Variants in AGBL3 observed in about 807,000 individuals in gnomAD.
AGBL3 encodes cytosolic carboxypeptidase 3.
Under a neutral mutation model 94.5 loss-of-function variants are expected in AGBL3, and 68 were observed. That is an observed-to-expected ratio of 0.72 (90% CI 0.59 to 0.88). The LOEUF (loss-of-function observed/expected upper bound fraction) is 0.88, where lower values mean the gene tolerates loss of function less well. Among genes scored for constraint, AGBL3 ranks in the 40% least tolerant of loss-of-function variants. AGBL3 has a pLI of 0.00. For missense variants in AGBL3, 934 were observed against 1,103.8 expected, an observed-to-expected ratio of 0.85 and a Z score of 2.18; for synonymous variants, 354 against 370.7, an observed-to-expected ratio of 0.95 and a Z score of 0.52.
At chr7:135,016,134 C>T (rs1459361613) in intron 4 of AGBL3, among the ~76,000 whole-genome samples, 4 of 151,722 alleles carry the variant, frequency 2.6e-5, no homozygotes, top group Admixed American at 2.6e-4. Context: ...TTTATTAGTT[C>T]ATTAATTTTG....
chr7:135,129,340 T>TA (rs1828398713), intron 16 of AGBL3: 1 of 1,116,722 alleles, frequency 9.0e-7, no homozygotes, highest in East Asian at 2.4e-5. Context: ...GAGAAATTAA[T>TA]AGACTTACTA....
At chr7:135,009,316 A>ATACATGG (rs1383551604) in intron 4 of AGBL3, among the ~76,000 whole-genome samples, 1 of 152,242 alleles carries the variant, frequency 6.6e-6, no homozygotes, top group Non-Finnish European at 1.5e-5. Context: ...TGAGGTACTG[A>ATACATGG]TACATGGTAC....
At chr7:135,041,302 A>G in intron 8 of AGBL3, among the ~76,000 whole-genome samples, 1 of 152,214 alleles carries the variant, frequency 6.6e-6, no homozygotes, top group Non-Finnish European at 1.5e-5. Context: ...CAAAGGAACT[A>G]GAATAGGCAA....
At chr7:135,007,148 T>G (rs1304542369) in intron 4 of AGBL3, among the ~76,000 whole-genome samples, 1 of 151,626 alleles carries the variant, frequency 6.6e-6, no homozygotes, top group Non-Finnish European at 1.5e-5. Context: ...CTTCAAAAAC[T>G]CTTCCAATAA....
At chr7:135,128,672 A>T (rs62479729) in intron 16 of AGBL3, 598,227 of 1,166,576 alleles carry the variant, frequency 0.51, 157,405 homozygotes, top group South Asian at 0.66. Flanking sequence ...AGACCCTAGT[A>T]TACCTGAATA....
intron 15 of AGBL3, among the ~76,000 whole-genome samples, chr7:135,096,742 T>TGAAAGAAAGAAAGAAAGAAAGAAAGAAA (rs3038284): frequency 3.0e-5 from 3 of 101,186 alleles, no homozygotes; most frequent in South Asian, 4.0e-4. Flanking sequence ...AGAGAAAGAA[T>TGAAAGAAAGAAAGAAAGAAAGAAAGAAA]GAAAGAAAGA....
chr7:135,069,301 C>G (rs1220790918), intron 12 of AGBL3, among the ~76,000 whole-genome samples: 1 of 152,140 alleles, frequency 6.6e-6, no homozygotes, highest in African/African-American at 2.4e-5. Flanking sequence ...CCACTGTCAA[C>G]ATTAGACAGA....
chr7:134,998,737 TA>T lies in AGBL3; in HGVS notation c.310+5060del, dbSNP rs1811329236. On this transcript the variant is annotated intron_variant, in intron 4 of 16. Transcript: ENST00000436302. Reference sequence around the variant, plus strand: ...GACACAGTCCACCCCGTTAGGCCCATAGCAATTCCGACATAAAGGTTGAAAG... The same window carrying T: ...GACACAGTCCACCCCGTTAGGCCCATGCAATTCCGACATAAAGGTTGAAAG... Among the ~76,000 whole-genome samples, 3 of 152,276 alleles carry T rather than the reference TA, an allele frequency of 2.0e-5. 1 individual carries two copies. In the South Asian group the frequency reaches 6.2e-4, roughly 32 times the overall value.
chr7:135,075,462 C>T (rs1197844837), intron 12 of AGBL3, among the ~76,000 whole-genome samples: 1 of 152,146 alleles, frequency 6.6e-6, no homozygotes, highest in Non-Finnish European at 1.5e-5. Context: ...GGATTTACCA[C>T]AGCCTATTTA....
rs1251956246 is a variant in AGBL3 at position 134,987,972 on chromosome 7, AAC to A, written c.41_42del (p.Thr14AsnfsTer3). 1 of 1,546,946 alleles carries A rather than the reference AAC, an allele frequency of 6.5e-7. No individual in the cohort carries two copies. The highest frequency in any genetic ancestry group is 1.4e-5 in the African/African-American group (1 of 72,924). ...DSEKEDYSDR[T>X]ISDEDESDED... ...CAGAAAAGGAAGACTATTCAGACAG[AAC>A]AATCAGTGATGAAGATGAATCGGTA... On this transcript the variant is annotated frameshift_variant, in exon 2 of 17. Transcript: ENST00000436302. LOFTEE classifies it high-confidence loss of function.
In AGBL3 at chr7:135,134,885, C is replaced by T. The variant is rs1452195660; in HGVS notation, c.2387C>T (p.Ser796Phe). 6.4e-7 allele frequency: 1 copy of T among 1,550,946 alleles called. No homozygotes were observed. Among genetic ancestry groups the T allele is most frequent in the African/African-American group, 1.4e-5 (1 of 72,978 alleles). ...AGAAATATAAAGAAATACAGCACAT[C>T]TTGGACAGCACCCAGAAATCACCCT... ...TCRNIKKYST[S>F]WTAPRNHPFV... is the part of the protein sequence containing the mutation. The change falls in exon 17 of 17, where the codon TCT becomes TTT. Residue 796 changes from serine (S) to phenylalanine (F), a missense_variant. Transcript: ENST00000436302.
At chr7:135,086,957 A>G (rs2116884972) in intron 15 of AGBL3, among the ~76,000 whole-genome samples, 1 of 152,128 alleles carries the variant, frequency 6.6e-6, no homozygotes, top group East Asian at 1.9e-4. Context: ...GTAGAATTCT[A>G]CAGTGATGTA....
intron 4 of AGBL3, among the ~76,000 whole-genome samples, chr7:135,001,579 C>A (rs1301343821): frequency 2.0e-5 from 3 of 152,182 alleles, no homozygotes; most frequent in Non-Finnish European, 4.4e-5. Context: ...ATGTAATCTC[C>A]AATAGTGTTT....
intron 13 of AGBL3, among the ~76,000 whole-genome samples, chr7:135,077,668 C>G (rs2116833741): frequency 6.6e-6 from 1 of 152,196 alleles, no homozygotes; most frequent in South Asian, 2.1e-4. Context: ...GCAGCAACAT[C>G]AATTCTTGCC....
intron 15 of AGBL3, among the ~76,000 whole-genome samples, chr7:135,087,893 T>G (rs900484545): frequency 2.0e-5 from 3 of 152,080 alleles, no homozygotes; most frequent in Non-Finnish European, 4.4e-5. Context: ...CTAGATGATC[T>G]GTCCAGTGAT....
intron 4 of AGBL3, among the ~76,000 whole-genome samples, chr7:134,994,146 C>T (rs960800910): frequency 6.6e-6 from 1 of 152,178 alleles, no homozygotes; most frequent in Admixed American, 6.5e-5. Flanking sequence ...GAGGCTATGC[C>T]GGAATGGCTG....
In AGBL3 at chr7:135,134,902, A is replaced by T; in HGVS notation, c.2404A>T (p.Asn802Tyr). 1 of 1,551,174 alleles carries T rather than the reference A, an allele frequency of 6.4e-7. No homozygotes were observed. The highest frequency in any genetic ancestry group is 1.2e-5 in the South Asian group (1 of 84,034). ...KYSTSWTAPR[N>Y]HPFVIQGDVM... is the part of the protein sequence containing the mutation. ...CAGCACATCTTGGACAGCACCCAGA[A>T]ATCACCCTTTTGTAATCCAAGGGGA... Residue 802 changes from asparagine to tyrosine, a missense_variant, in exon 17 of 17, where the codon AAT becomes TAT. Physicochemically the swap from Asn to Tyr is moderately radical, Grantham distance 143. This residue lies in a region of AGBL3 where 441 missense variants were observed against 518.2 expected (regional missense o/e 0.85). Transcript: ENST00000436302.
At chr7:135,079,527 G>A (rs568189705) in intron 13 of AGBL3, among the ~76,000 whole-genome samples, 11 of 151,992 alleles carry the variant, frequency 7.2e-5, no homozygotes, top group Non-Finnish European at 1.3e-4. Flanking sequence ...GTGCAGTGGC[G>A]CCATGTCAGC....
rs1259110237 is a variant in AGBL3, at chr7:135,045,790, T to C, written c.1729-9T>C. On this transcript the variant is annotated splice_polypyrimidine_tract_variant and intron_variant, in intron 10 of 16. Transcript: ENST00000436302. ...TTTCATAATGAGCTCATTTATTACT[T>C]TTGCCTAGTATTATCGGTGCCTGAA... The C allele has an allele frequency of 6.6e-7, 1 of 1,524,200 alleles. No homozygotes were observed. Among genetic ancestry groups the C allele is most frequent in the Admixed American group, 2.0e-5 (1 of 48,976 alleles). The allele number at this position is 1,524,200 out of a possible 1,614,324, so 94.4% of individuals were successfully genotyped here.
Sources: gnomAD v4.1 joint callset for allele counts (sites outside exome capture counted in the v4.1 genomes callset) on GRCh38, gnomAD v4.1.1 for gene constraint, gnomAD v4.1.1 regional missense constraint, MANE v1.5 for transcripts, NCBI Gene and HGNC (gene_info 2026-07-23, HGNC 2026-07-21) for gene names.